Variants in RIMS3 observed in about 807,000 individuals in gnomAD.
RIMS3 encodes regulating synaptic membrane exocytosis protein 3.
A neutral mutation model predicts 29.2 loss-of-function variants in RIMS3; 15 were observed. The ratio of observed to expected loss-of-function variants is 0.51; its 90% CI spans 0.34 to 0.79. The LOEUF (loss-of-function observed/expected upper bound fraction) is 0.79, where lower values mean the gene tolerates loss of function less well. Ranked by LOEUF, RIMS3 falls within the 30% of genes least tolerant of loss-of-function variation. The pLI, the probability that RIMS3 is intolerant of heterozygous loss-of-function variation, is 0.01. For synonymous variants in RIMS3, 161 were observed against 170.1 expected (o/e 0.95, Z 0.41); for missense variants, 342 against 421.4 (o/e 0.81, Z 1.65).
At position 40,633,159 on chromosome 1, in the gene RIMS3, G is replaced by C; in HGVS notation, c.382C>G (p.Leu128Val). The change falls in exon 5 of 8, where the codon CTA becomes GTA. Residue 128 changes from leucine to valine, a missense_variant. Leu to Val is a conservative substitution (Grantham distance 32). Transcript: ENST00000372684. ...TCGCTGAACTGGCTTTCAGCCCCTA[G>C]CCGGGTAGTGGGGAAGATGAACCTG... ...DGTFIFPTTR[L>V]GAESQFSDFL... The C allele has an allele frequency of 6.2e-7, 1 of 1,614,100 alleles. No homozygotes were observed. Among genetic ancestry groups the C allele is most frequent in the Non-Finnish European group, 8.5e-7 (1 of 1,179,926 alleles).
At chr1:40,666,511 C>A (rs1642427693), upstream of RIMS3, among the ~76,000 whole-genome samples, 1 of 152,152 alleles carries the variant, frequency 6.6e-6, no homozygotes, top group Non-Finnish European at 1.5e-5. Flanking sequence ...CAAATAGACT[C>A]CTGGAGTCCT....
At chr1:40,685,237 C>T in the RIMS3 span, among the ~76,000 whole-genome samples, 1 of 147,780 alleles carries the variant, frequency 6.8e-6, no homozygotes, top group African/African-American at 2.5e-5. Flanking sequence ...AATCAAACGC[C>T]AAGACAGAAT....
At chr1:40,645,114 G>A (rs907612070) in intron 2 of RIMS3, among the ~76,000 whole-genome samples, 4 of 152,158 alleles carry the variant, frequency 2.6e-5, no homozygotes, top group African/African-American at 9.7e-5. Context: ...GTCCTGGATT[G>A]TATTTCTCTA....
intron 1 of RIMS3, among the ~76,000 whole-genome samples, chr1:40,664,444 C>T (rs971503306): frequency 6.6e-6 from 1 of 152,182 alleles, no homozygotes; most frequent in Non-Finnish European, 1.5e-5. Context: ...GGAACCCAGA[C>T]TTAAGAAGTC....
At chr1:40,644,032 A>T (rs993452564) in intron 2 of RIMS3, among the ~76,000 whole-genome samples, 6 of 139,400 alleles carry the variant, frequency 4.3e-5, no homozygotes, top group African/African-American at 1.4e-4. Flanking sequence ...AAGGGGGGGA[A>T]GATTTGGATC....
chr1:40,644,205 G>A (rs552879045), intron 2 of RIMS3, among the ~76,000 whole-genome samples: 3 of 152,212 alleles, frequency 2.0e-5, no homozygotes, highest in Admixed American at 6.5e-5. Flanking sequence ...CCCGCCCTGC[G>A]CTGGCCTTCC....
At position 40,622,693 on chromosome 1, in the gene RIMS3, A is replaced by G. The variant is rs1290660268; in HGVS notation, c.*3824T>C. 2 of 152,704 alleles carry G rather than the reference A, an allele frequency of 1.3e-5. No individual in the cohort carries two copies. Among genetic ancestry groups the G allele is most frequent in the South Asian group, 2.1e-4 (1 of 4,830 alleles). 9.5% of individuals were successfully genotyped at this position (152,704 alleles called of 1,614,324 possible). A position where few individuals can be genotyped will look rare whatever the true frequency, so the allele number is the denominator to read the frequency against. ...CTCATCTACAACATCAAGCAAAGGC[A>G]GCAATTTCTTGCAGAGTTTGCACAG... On this transcript the variant is annotated 3_prime_UTR_variant, in exon 8 of 8. Coordinates refer to ENST00000372684, the MANE Select transcript of RIMS3 (RefSeq NM_014747.3).
intron 3 of RIMS3, 136 bp downstream of exon 3, chr1:40,641,573 C>G: frequency 1.3e-6 from 1 of 793,204 alleles, no homozygotes; most frequent in South Asian, 1.7e-5. Context: ...CCTAGAACAG[C>G]ACCTGGTGTA....
the RIMS3 span, among the ~76,000 whole-genome samples, chr1:40,688,853 CAG>C: frequency 2.6e-5 from 4 of 152,184 alleles, no homozygotes; most frequent in African/African-American, 9.7e-5. Flanking sequence ...TCTCTCCAAA[CAG>C]GGTACAGAAT....
rs1642245255 is a variant in RIMS3 at position 40,654,523 on chromosome 1, T to G, written c.-206-6681A>C. Among the ~76,000 whole-genome samples the G allele has an allele frequency of 6.6e-6, 1 of 151,084 alleles. No individual in the cohort carries two copies. Among genetic ancestry groups the G allele is most frequent in the African/African-American group, 2.4e-5 (1 of 41,000 alleles). ...GGCACACACCACACCCAGCAGGCAA[T>G]CCACCTAGACAGGCACTCACAGAGC... On this transcript the variant is annotated intron_variant, in intron 1 of 7. Transcript: ENST00000372684. The surrounding 1 kb of genome is among the most constrained non-coding windows in gnomAD (Gnocchi z 5.3).
chr1:40,635,288 TG>T lies in RIMS3; in HGVS notation c.359+627del, dbSNP rs1257587972. On this transcript the variant is annotated intron_variant, in intron 4 of 7. Coordinates refer to ENST00000372684, the MANE Select transcript of RIMS3 (RefSeq NM_014747.3). The surrounding 1 kb of genome is among the most constrained non-coding windows in gnomAD (Gnocchi z 4.1). ...TTCAGATTTTTTAATGCAACCTACA[TG>T]TAAGAAAGGAGATTTAACATCATGA... Among the ~76,000 whole-genome samples, 3 of 152,348 alleles carry T rather than the reference TG, an allele frequency of 2.0e-5. No homozygotes were observed. In the East Asian group the frequency reaches 5.8e-4, roughly 29 times the overall value.
intron 2 of RIMS3, among the ~76,000 whole-genome samples, chr1:40,645,707 C>A (rs1646590685): frequency 6.6e-6 from 1 of 152,142 alleles, no homozygotes; most frequent in Non-Finnish European, 1.5e-5. Flanking sequence ...CAAGAGAGTA[C>A]CACCCCCAGG....
Position 40,625,566 on chromosome 1 carries a change from GC to G in RIMS3, c.*950del, listed in dbSNP as rs2148341713. 6.6e-6 allele frequency: 1 copy of G among 152,360 alleles called. No individual in the cohort carries two copies. Among genetic ancestry groups the G allele is most frequent in the African/African-American group, 2.4e-5 (1 of 41,546 alleles). The allele number at this position is 152,360 out of a possible 1,614,324, so 9.4% of individuals were successfully genotyped here. A position where few individuals can be genotyped will look rare whatever the true frequency, so the allele number is the denominator to read the frequency against. On this transcript the variant is annotated 3_prime_UTR_variant, in exon 8 of 8. Coordinates refer to ENST00000372684, the MANE Select transcript of RIMS3 (RefSeq NM_014747.3). ...CCACAGAACCTCCTTACCGAGTCATGCCCACCAGGAATGAGCCCTGAGGGGG... is the reference window on the plus strand; with the variant it reads ...CCACAGAACCTCCTTACCGAGTCATGCCACCAGGAATGAGCCCTGAGGGGG...
chr1:40,653,478 AC>A (rs1642225769), intron 1 of RIMS3, among the ~76,000 whole-genome samples: 1 of 152,156 alleles, frequency 6.6e-6, no homozygotes, highest in Non-Finnish European at 1.5e-5. Context: ...CTAGGGCGGC[AC>A]CCTGACTCCC....
chr1:40,631,015 G>C (rs1010990655), intron 5 of RIMS3, among the ~76,000 whole-genome samples: 2 of 152,204 alleles, frequency 1.3e-5, no homozygotes, highest in African/African-American at 4.8e-5. Flanking sequence ...TGGAACCCCA[G>C]CTCCACTGCA....
the RIMS3 span, among the ~76,000 whole-genome samples, chr1:40,684,238 A>C: frequency 1.3e-5 from 2 of 152,316 alleles, no homozygotes; most frequent in Non-Finnish European, 2.9e-5. Flanking sequence ...CATATTGGGG[A>C]AAGTTGGATC....
intron 2 of RIMS3, 39 bp from the exon 3 acceptor site, chr1:40,641,995 C>G: frequency 7.5e-7 from 1 of 1,325,944 alleles, no homozygotes; most frequent in South Asian, 1.2e-5. Context: ...CCACATCAGA[C>G]CTGGATGAAT....
At chr1:40,639,653 T>G (rs879362520) in intron 3 of RIMS3, among the ~76,000 whole-genome samples, 9 of 152,160 alleles carry the variant, frequency 5.9e-5, no homozygotes, top group Non-Finnish European at 1.3e-4. Context: ...AGAGGTGAAG[T>G]AACTTGCCTT....
intron 1 of RIMS3, among the ~76,000 whole-genome samples, chr1:40,653,888 T>C (rs529047066): frequency 2.6e-4 from 39 of 152,260 alleles, no homozygotes; most frequent in Non-Finnish European, 4.6e-4. Flanking sequence ...CCCAGTCGTA[T>C]AGTCACCCTA....
Sources: gnomAD v4.1 joint callset for allele counts (sites outside exome capture counted in the v4.1 genomes callset) on GRCh38, gnomAD v4.1.1 for gene constraint, Gnocchi (gnomAD v3.1) non-coding constraint, MANE v1.5 for transcripts, NCBI Gene and HGNC (gene_info 2026-07-23, HGNC 2026-07-21) for gene names.